Variants in TMEM266 observed in about 807,000 individuals in gnomAD.
The protein encoded by TMEM266 is Hv1 related protein 1.
In TMEM266, 33 loss-of-function variants were observed where a neutral mutation model predicts 50.5. That is an observed-to-expected ratio of 0.65 (90% CI 0.50 to 0.87). The LOEUF is 0.87. TMEM266 is among the 40% of genes least tolerant of loss of function. The pLI is 0.00. For missense variants in TMEM266, 655 were observed against 695.1 expected, an observed-to-expected ratio of 0.94 and a Z score of 0.65; for synonymous variants, 310 against 292.3, an observed-to-expected ratio of 1.06 and a Z score of -0.62.
intron 1 of TMEM266, among the ~76,000 whole-genome samples, chr15:76,082,259 C>CTA (rs2141992071): frequency 6.6e-6 from 1 of 152,228 alleles, no homozygotes; most frequent in South Asian, 2.1e-4. Context: ...TTTTGCATTG[C>CTA]TATAAGGGAA....
At chr15:76,169,743 G>C in intron 5 of TMEM266, 73 bp from the exon 6 acceptor site, 2 of 1,484,174 alleles carry the variant, frequency 1.3e-6, no homozygotes, top group South Asian at 2.3e-5. Flanking sequence ...AGAGCTCTGA[G>C]TGCTGAGCTC....
chr15:76,149,621 A>G (rs538208767), intron 3 of TMEM266, among the ~76,000 whole-genome samples: 7 of 152,240 alleles, frequency 4.6e-5, no homozygotes, highest in Non-Finnish European at 8.8e-5. Context: ...TTCAGGGATT[A>G]GGAAACTAAG....
chr15:76,072,633 C>CT (rs562406271), intron 1 of TMEM266, among the ~76,000 whole-genome samples: 27 of 151,054 alleles, frequency 1.8e-4, no homozygotes, highest in Non-Finnish European at 3.0e-4. Context: ...AATTTCTCTA[C>CT]TTTTTTTTTC....
chr15:76,186,645 C>T (rs2038494177), intron 8 of TMEM266, among the ~76,000 whole-genome samples: 1 of 152,232 alleles, frequency 6.6e-6, no homozygotes, highest in East Asian at 1.9e-4. Context: ...TCTCTCTCCA[C>T]CTTCGTCCCT....
chr15:76,204,194 G>T lies in TMEM266; in HGVS notation c.1475G>T (p.Gly492Val). The T allele has an allele frequency of 1.2e-6, 2 of 1,613,916 alleles. No homozygotes were observed. The highest frequency in any genetic ancestry group is 2.2e-5 in the South Asian group (2 of 91,082). Reference sequence around the variant, plus strand: ...CTGTTCAACCAGAAGAACCAGGAGGGCTTCACTGTCTTTCAGATCAGGCCT... The same window carrying T: ...CTGTTCAACCAGAAGAACCAGGAGGTCTTCACTGTCTTTCAGATCAGGCCT... Residue 492 changes from glycine to valine, a missense_variant, in exon 11 of 11, where the codon GGC becomes GTC. This residue lies in a region of TMEM266 where 455 missense variants were observed against 401.8 expected (regional missense o/e 1.13). Transcript: ENST00000388942.
chr15:76,126,374 C>CATATATAT (rs61446223), intron 1 of TMEM266, among the ~76,000 whole-genome samples: 139 of 137,804 alleles, frequency 1.0e-3, no homozygotes, highest in Middle Eastern at 3.7e-3. Flanking sequence ...CACCCACAGA[C>CATATATAT]ATATATATAT....
chr15:76,163,590 G>C (rs555653537), intron 5 of TMEM266, among the ~76,000 whole-genome samples: 1 of 152,316 alleles, frequency 6.6e-6, no homozygotes, highest in South Asian at 2.1e-4. Flanking sequence ...GCGCAGCCCC[G>C]CCCTTGGCTG....
intron 3 of TMEM266, among the ~76,000 whole-genome samples, chr15:76,143,274 T>C (rs539083917): frequency 6.6e-6 from 1 of 152,280 alleles, no homozygotes; most frequent in South Asian, 2.1e-4. Context: ...TTCTTTGAAG[T>C]CAAACTTCTT....
intron 1 of TMEM266, among the ~76,000 whole-genome samples, chr15:76,066,474 A>G (rs1167099133): frequency 6.6e-6 from 1 of 152,132 alleles, no homozygotes; most frequent in East Asian, 1.9e-4. Flanking sequence ...CTACTCTCAG[A>G]ATAAAATGAG....
chr15:76,083,806 T>C (rs1002760445), intron 1 of TMEM266, among the ~76,000 whole-genome samples: 1 of 152,128 alleles, frequency 6.6e-6, no homozygotes, highest in East Asian at 1.9e-4. Context: ...ATAGTGTCTG[T>C]CCGGTGGTGG....
chr15:76,160,179 ACT>A lies in TMEM266; in HGVS notation c.456+14_456+15del. The A allele has an allele frequency of 6.2e-7, 1 of 1,611,772 alleles. No individual in the cohort carries two copies. Among genetic ancestry groups the A allele is most frequent in the Non-Finnish European group, 8.5e-7 (1 of 1,178,042 alleles). ...GTGTTCTTCTCAGAGGTAGGTGGAG[ACT>A]CTGGCCCTGTCACCTCCTCTGTTGG... On this transcript the variant is annotated intron_variant, in intron 5 of 10. Coordinates refer to ENST00000388942, the MANE Select transcript of TMEM266 (RefSeq NM_152335.3). This position sits in a 1 kb window ranked among gnomAD's most constrained non-coding sequence, Gnocchi z 5.7.
chr15:76,080,774 TCTCGCTCTGC>T (rs2036680073), intron 1 of TMEM266, among the ~76,000 whole-genome samples: 1 of 152,050 alleles, frequency 6.6e-6, no homozygotes, highest in Non-Finnish European at 1.5e-5. Context: ...TAGGAGACTG[TCTCGCTCTGC>T]CACCCAAGCT....
chr15:76,063,040 T>C (rs573076878), intron 1 of TMEM266, among the ~76,000 whole-genome samples: 2 of 152,194 alleles, frequency 1.3e-5, no homozygotes, highest in African/African-American at 2.4e-5. Flanking sequence ...ATGAAATGTG[T>C]TTTTTCTTAA....
intron 1 of TMEM266, among the ~76,000 whole-genome samples, chr15:76,069,129 T>G (rs1337931802): frequency 2.0e-5 from 3 of 152,188 alleles, no homozygotes; most frequent in Non-Finnish European, 4.4e-5. Context: ...GTTTAAGTTT[T>G]CAAACTACAA....
At chr15:76,194,884 G>A (rs1439011917) in intron 9 of TMEM266, among the ~76,000 whole-genome samples, 3 of 152,074 alleles carry the variant, frequency 2.0e-5, no homozygotes, top group Admixed American at 6.6e-5. Flanking sequence ...TAGGGGTTAC[G>A]GCTTCAACAT....
At chr15:76,128,197 A>G (rs530392574) in intron 1 of TMEM266, among the ~76,000 whole-genome samples, 14 of 152,334 alleles carry the variant, frequency 9.2e-5, no homozygotes, top group African/African-American at 2.6e-4. Flanking sequence ...TGAAATGGGT[A>G]TGAAAGCAGG....
Position 76,105,083 on chromosome 15 carries a change from TAAAAATACA to T in TMEM266, c.-96-29080_-96-29072del, listed in dbSNP as rs529675583. 3.1e-3 allele frequency among the ~76,000 whole-genome samples: 464 copies of T among 152,014 alleles called. 5 individuals carry two copies. The highest frequency in any genetic ancestry group is 0.011 in the African/African-American group (438 of 41,470). On this transcript the variant is annotated intron_variant, in intron 1 of 10. Coordinates refer to ENST00000388942, the MANE Select transcript of TMEM266 (RefSeq NM_152335.3). Reference sequence around the variant, plus strand: ...GAACATGGTGAAACCCCATCTCTACTAAAAATACAAAAATTAGCTGGGCGTGGTGGCGCA... The same window carrying T: ...GAACATGGTGAAACCCCATCTCTACTAAAATTAGCTGGGCGTGGTGGCGCA...
intron 1 of TMEM266, among the ~76,000 whole-genome samples, chr15:76,097,279 T>C (rs1014029106): frequency 6.6e-6 from 1 of 152,080 alleles, no homozygotes; most frequent in Non-Finnish European, 1.5e-5. Context: ...GTTTAGTGCT[T>C]CCTTCAGGAG....
chr15:76,178,053 C>T (rs908749706), intron 8 of TMEM266, among the ~76,000 whole-genome samples: 1 of 152,036 alleles, frequency 6.6e-6, no homozygotes, highest in African/African-American at 2.4e-5. Context: ...GGTTCGGGGC[C>T]ATTTAGAGGG....
Sources: gnomAD v4.1 joint callset for allele counts (sites outside exome capture counted in the v4.1 genomes callset) on GRCh38, gnomAD v4.1.1 for gene constraint, gnomAD v4.1.1 regional missense constraint, Gnocchi (gnomAD v3.1) non-coding constraint, MANE v1.5 for transcripts, NCBI Gene and HGNC (gene_info 2026-07-23, HGNC 2026-07-21) for gene names.